The following NTRK2 variants were observed in gnomAD, a reference collection of about 807,000 sequenced individuals.
NTRK2 encodes the protein BDNF/NT-3 growth factors receptor.
NTRK2 carries 13 observed loss-of-function variants against 94.5 expected under a neutral mutation model. The observed-to-expected ratio is 0.14, with a 90% CI of 0.09 to 0.22. The LOEUF is 0.22. Ranked by LOEUF, NTRK2 falls within the 10% of genes least tolerant of loss-of-function variation. NTRK2 has a pLI of 1.00. For synonymous variants in NTRK2, 372 were observed against 407.4 expected (o/e 0.91, Z 1.05); for missense variants, 639 against 1,071.2 (o/e 0.60, Z 5.63).
At chr9:84,749,571 A>AT (rs1260233680) in intron 11 of NTRK2, among the ~76,000 whole-genome samples, 2 of 151,910 alleles carry the variant, frequency 1.3e-5, no homozygotes, top group South Asian at 2.1e-4. Context: ...AGCTTACTTA[A>AT]TTTTTTTGTA....
chr9:84,780,829 T>C (rs561526520), intron 12 of NTRK2, among the ~76,000 whole-genome samples: 2 of 152,310 alleles, frequency 1.3e-5, no homozygotes, highest in African/African-American at 4.8e-5. Flanking sequence ...GTGGATGTTT[T>C]TTCCTCTCTA....
intron 17 of NTRK2, among the ~76,000 whole-genome samples, chr9:84,996,576 G>A (rs1398565379): frequency 6.6e-6 from 1 of 152,172 alleles, no homozygotes; most frequent in African/African-American, 2.4e-5. Context: ...GTGAATCTTG[G>A]GAGAAGACAT....
chr9:84,881,793 T>C (rs1324321569), intron 14 of NTRK2, among the ~76,000 whole-genome samples: 1 of 152,232 alleles, frequency 6.6e-6, no homozygotes, highest in African/African-American at 2.4e-5. Flanking sequence ...TTTCTCTTGC[T>C]CTTTCTGTCC....
At chr9:84,682,455 G>A (rs529270900) in intron 2 of NTRK2, among the ~76,000 whole-genome samples, 1 of 152,244 alleles carries the variant, frequency 6.6e-6, no homozygotes, top group South Asian at 2.1e-4. Flanking sequence ...AGTTGGGGAG[G>A]TTTTGGCAGC....
chr9:84,904,310 C>T lies in NTRK2; in HGVS notation c.1634-29852C>T, dbSNP rs190760038. Among the ~76,000 whole-genome samples the T allele has an allele frequency of 3.0e-3, 449 of 152,178 alleles. 1 individual carries two copies. The highest frequency in any genetic ancestry group is 0.01 in the African/African-American group (434 of 41,552). ...CTTAATTTTTAATCTTTATAAATAC[C>T]TTTGAATTTTAATAAGGCAAGTTCA... On this transcript the variant is annotated intron_variant, in intron 14 of 18. Coordinates refer to ENST00000277120, the MANE Select transcript of NTRK2 (RefSeq NM_006180.6).
At chr9:84,890,537 T>C (rs1283104981) in intron 14 of NTRK2, among the ~76,000 whole-genome samples, 1 of 152,236 alleles carries the variant, frequency 6.6e-6, no homozygotes, top group African/African-American at 2.4e-5. Context: ...TCTCATCCTC[T>C]AGGATCAGTT....
chr9:84,690,091 G>C (rs1454369589), intron 2 of NTRK2, among the ~76,000 whole-genome samples: 1 of 152,052 alleles, frequency 6.6e-6, no homozygotes, highest in Non-Finnish European at 1.5e-5. Flanking sequence ...ATGACTGAAG[G>C]TTAACATGAG....
Position 84,895,533 on chromosome 9 carries a change from C to T in NTRK2, c.1633+28102C>T, listed in dbSNP as rs371396758. 1.2e-4 allele frequency among the ~76,000 whole-genome samples: 18 copies of T among 152,328 alleles called. No individual in the cohort carries two copies. The South Asian group carries it at 3.3e-3, about 28-fold the overall frequency. The stretch of plus-strand genomic sequence containing the variant: ...CAATTAAGAAGAGAGGCCAGAAAGG[C>T]AGGGCCTGGCTGTGGGGCTCCTTTA... On this transcript the variant is annotated intron_variant, in intron 14 of 18. Coordinates refer to ENST00000277120, the MANE Select transcript of NTRK2 (RefSeq NM_006180.6).
chr9:84,736,663 TA>T (rs1286693066), intron 9 of NTRK2, among the ~76,000 whole-genome samples: 1 of 152,204 alleles, frequency 6.6e-6, no homozygotes, highest in Non-Finnish European at 1.5e-5. Context: ...AGAATAATGA[TA>T]ATTAAGATTT....
rs139303022 is a variant in NTRK2, at chr9:84,720,547, A to C, written c.584-3026A>C. On this transcript the variant is annotated intron_variant, in intron 6 of 18. Transcript: ENST00000277120. ...CCAATAATATTGTCCTACAATGAAG[A>C]TGACAATTCATAAATTTGTGCGATG... 2.2e-3 allele frequency among the ~76,000 whole-genome samples: 333 copies of C among 152,330 alleles called. 2 individuals are homozygous for C. Among genetic ancestry groups the C allele is most frequent in the African/African-American group, 7.2e-3 (298 of 41,580 alleles).
At chr9:84,835,805 A>G (rs1016776646) in intron 12 of NTRK2, among the ~76,000 whole-genome samples, 2 of 152,248 alleles carry the variant, frequency 1.3e-5, no homozygotes, top group Non-Finnish European at 2.9e-5. Context: ...AACGTAAGGC[A>G]TTTCTTTTCT....
At chr9:84,787,025 C>T (rs567336610) in intron 12 of NTRK2, among the ~76,000 whole-genome samples, 10 of 152,044 alleles carry the variant, frequency 6.6e-5, no homozygotes, top group Admixed American at 4.6e-4. Flanking sequence ...CAGGTGGGCG[C>T]GGTGGCTCAC....
intron 6 of NTRK2, among the ~76,000 whole-genome samples, chr9:84,716,071 G>A (rs2061692692): frequency 1.3e-5 from 2 of 152,114 alleles, no homozygotes; most frequent in Admixed American, 1.3e-4. Flanking sequence ...TATTTTACTA[G>A]TAACTAGTTA....
At chr9:84,846,013 T>G (rs897388444) in intron 12 of NTRK2, among the ~76,000 whole-genome samples, 2 of 152,084 alleles carry the variant, frequency 1.3e-5, no homozygotes, top group African/African-American at 4.8e-5. Context: ...AGGGAACCCT[T>G]CCCAAAAATG....
At chr9:84,716,513 ACACTCC>A (rs1383737719) in intron 6 of NTRK2, among the ~76,000 whole-genome samples, 1 of 152,182 alleles carries the variant, frequency 6.6e-6, no homozygotes, top group Non-Finnish European at 1.5e-5. Context: ...TACTTTGTTA[ACACTCC>A]CAGATTAAAA....
intron 12 of NTRK2, among the ~76,000 whole-genome samples, chr9:84,779,785 T>C (rs1035751301): frequency 6.6e-6 from 1 of 152,218 alleles, no homozygotes; most frequent in Non-Finnish European, 1.5e-5. Flanking sequence ...AGTGAGCAAG[T>C]TTGAAGAACT....
intron 12 of NTRK2, among the ~76,000 whole-genome samples, chr9:84,859,990 A>C (rs1300523202): frequency 6.6e-6 from 1 of 152,218 alleles, no homozygotes; most frequent in Non-Finnish European, 1.5e-5. Flanking sequence ...GTAGGATACG[A>C]GGGAGGGAAA....
intron 12 of NTRK2, among the ~76,000 whole-genome samples, chr9:84,860,489 C>T (rs78379155): frequency 0.016 from 2,509 of 152,238 alleles, 35 homozygotes; most frequent in Non-Finnish European, 0.027. Flanking sequence ...CTATCTAGCC[C>T]GTGTCTACTC....
chr9:84,711,193 G>T (rs2061399734), intron 6 of NTRK2, among the ~76,000 whole-genome samples: 1 of 152,174 alleles, frequency 6.6e-6, no homozygotes, highest in Non-Finnish European at 1.5e-5. Flanking sequence ...GGTGATGAAA[G>T]TGTCCTGGCA....
Sources: allele counts gnomAD v4.1 joint callset (sites outside exome capture counted in the v4.1 genomes callset), GRCh38; gene constraint gnomAD v4.1.1; transcripts MANE v1.5; gene names NCBI Gene and HGNC (gene_info 2026-07-23, HGNC 2026-07-21).